The following CSMD1 variants were observed in gnomAD, a reference collection of about 807,000 sequenced individuals.
CSMD1 encodes CUB and Sushi multiple domains 1.
Under a neutral mutation model 417.5 loss-of-function variants are expected in CSMD1, and 213 were observed. That is an observed-to-expected ratio of 0.51 (90% confidence interval 0.46 to 0.57). The LOEUF (loss-of-function observed/expected upper bound fraction) is 0.57. Ranked by LOEUF, CSMD1 falls within the 20% of genes least tolerant of loss-of-function variation. CSMD1 has a pLI of 0.00. For synonymous variants in CSMD1, 2,862 were observed against 1,736.8 expected (o/e 1.65, Z -16.11); for missense variants, 6,923 against 4,529.7 (o/e 1.53, Z -15.17).
intron 2 of CSMD1, among the ~76,000 whole-genome samples, chr8:4,453,839 T>TG (rs1799300838): frequency 3.7e-5 from 5 of 133,858 alleles, no homozygotes; most frequent in African/African-American, 9.0e-5. Context: ...TTTTTTTTTT[T>TG]GAGACAGAGT....
chr8:3,753,165 G>C (rs143067142), intron 6 of CSMD1, among the ~76,000 whole-genome samples: 12 of 152,264 alleles, frequency 7.9e-5, no homozygotes, highest in African/African-American at 2.4e-4. Context: ...CGTTCTCATC[G>C]TCACAATGTG....
chr8:3,367,014 C>T lies in CSMD1; in HGVS notation c.3115+18G>A, dbSNP rs374228313. The T allele has an allele frequency of 1.3e-6, 2 of 1,594,072 alleles. No homozygotes were observed. The highest frequency in any genetic ancestry group is 1.1e-5 in the South Asian group (1 of 89,892). ...TATTGTTGCCAGAGGAGAGAAACAGCAAACAAGACCAACATACCTGAAAAT... is the reference window on the plus strand; with the variant it reads ...TATTGTTGCCAGAGGAGAGAAACAGTAAACAAGACCAACATACCTGAAAAT... On this transcript the variant is annotated intron_variant, in intron 20 of 69. Transcript: ENST00000635120.
At chr8:3,275,260 G>A (rs994955729) in intron 26 of CSMD1, among the ~76,000 whole-genome samples, 29 of 152,246 alleles carry the variant, frequency 1.9e-4, no homozygotes, top group South Asian at 4.1e-4. Flanking sequence ...ATTGGCCACC[G>A]CTCTCTTCTG....
intron 56 of CSMD1, among the ~76,000 whole-genome samples, chr8:2,973,881 A>AGAGGATGG (rs1804684240): frequency 1.9e-5 from 2 of 108,068 alleles, no homozygotes; most frequent in Admixed American, 8.0e-5. Flanking sequence ...GTAGAGGATG[A>AGAGGATGG]TGGTAGAGGA....
intron 4 of CSMD1, among the ~76,000 whole-genome samples, chr8:4,020,750 A>C (rs1388980001): frequency 6.6e-6 from 1 of 152,180 alleles, no homozygotes; most frequent in Non-Finnish European, 1.5e-5. Flanking sequence ...ATTAGACCCA[A>C]CGTCATTACT....
chr8:3,211,017 A>G (rs1386908679), intron 30 of CSMD1, among the ~76,000 whole-genome samples: 4 of 152,118 alleles, frequency 2.6e-5, no homozygotes, highest in Non-Finnish European at 5.9e-5. Flanking sequence ...GGGATACAAG[A>G]AAGAAAATTA....
At chr8:4,771,478 C>T (rs986582528) in intron 1 of CSMD1, among the ~76,000 whole-genome samples, 1 of 152,174 alleles carries the variant, frequency 6.6e-6, no homozygotes, top group Non-Finnish European at 1.5e-5. Flanking sequence ...GAAGCTCAGT[C>T]GTGAGAATGC....
At chr8:3,977,482 A>T (rs1290199472) in intron 5 of CSMD1, among the ~76,000 whole-genome samples, 1 of 152,198 alleles carries the variant, frequency 6.6e-6, no homozygotes, top group Non-Finnish European at 1.5e-5. Context: ...AAAGAAAAAA[A>T]AAATTAAGGA....
At chr8:4,490,778 G>C (rs531037743) in intron 2 of CSMD1, among the ~76,000 whole-genome samples, 3 of 152,116 alleles carry the variant, frequency 2.0e-5, no homozygotes, top group African/African-American at 4.8e-5. Flanking sequence ...CCACTAGGTC[G>C]GGCATATTAA....
chr8:4,093,790 A>C (rs150691953), intron 3 of CSMD1, among the ~76,000 whole-genome samples: 1 of 152,096 alleles, frequency 6.6e-6, no homozygotes, highest in Admixed American at 6.6e-5. Flanking sequence ...GTGAAATCCC[A>C]TATCTACTAA....
rs112315858 is a variant in CSMD1 at position 3,709,584 on chromosome 8, C to G, written c.932-1093G>C. ...TCTCCCCAGTGTGGGTGGGCCTGGT[C>G]CAGTCAGATGAAGGCCCAAATAGAA... On this transcript the variant is annotated intron_variant, in intron 6 of 69. Transcript: ENST00000635120. Among the ~76,000 whole-genome samples the G allele has an allele frequency of 3.7e-3, 566 of 151,030 alleles. 4 individuals carry two copies. The highest frequency in any genetic ancestry group is 0.013 in the African/African-American group (537 of 41,128).
At chr8:3,014,151 T>G (rs1226504909) in intron 52 of CSMD1, among the ~76,000 whole-genome samples, 2 of 152,156 alleles carry the variant, frequency 1.3e-5, no homozygotes, top group African/African-American at 4.8e-5. Context: ...AATATTATTT[T>G]CACTCTTTCA....
chr8:4,232,944 A>T (rs918103354), intron 3 of CSMD1, among the ~76,000 whole-genome samples: 5 of 152,234 alleles, frequency 3.3e-5, no homozygotes, highest in Non-Finnish European at 7.3e-5. Context: ...AGTTTTCTGC[A>T]GTCAAGCATA....
intron 10 of CSMD1, among the ~76,000 whole-genome samples, chr8:3,503,863 C>G (rs1211807110): frequency 1.3e-5 from 2 of 148,330 alleles, no homozygotes; most frequent in Non-Finnish European, 3.0e-5. Flanking sequence ...CTCTTCCTAG[C>G]CCCTGGTAGC....
At chr8:4,896,663 T>G (rs1804502195) in intron 1 of CSMD1, among the ~76,000 whole-genome samples, 2 of 152,096 alleles carry the variant, frequency 1.3e-5, no homozygotes, top group Non-Finnish European at 2.9e-5. Context: ...ATTGGAAATT[T>G]TTTCCGGGGG....
chr8:3,970,427 T>C (rs1813000930), intron 5 of CSMD1, among the ~76,000 whole-genome samples: 1 of 152,138 alleles, frequency 6.6e-6, no homozygotes, highest in Non-Finnish European at 1.5e-5. Context: ...TGGATTTTAT[T>C]ACCCCAGGAC....
intron 3 of CSMD1, among the ~76,000 whole-genome samples, chr8:4,234,728 C>A (rs1419043410): frequency 1.3e-5 from 2 of 152,094 alleles, no homozygotes. Flanking sequence ...GTCGCTGCTG[C>A]CGCTGAAAAC....
At chr8:3,603,311 G>A (rs1479255728) in intron 8 of CSMD1, among the ~76,000 whole-genome samples, 2 of 152,016 alleles carry the variant, frequency 1.3e-5, no homozygotes, top group African/African-American at 4.8e-5. Context: ...ATAGGAATAT[G>A]TTATGTTCCT....
chr8:4,282,105 G>A (rs552720667), intron 3 of CSMD1, among the ~76,000 whole-genome samples: 85 of 152,262 alleles, frequency 5.6e-4, no homozygotes, highest in African/African-American at 2.0e-3. Context: ...TAATCCAAGA[G>A]TATTTTTAAT....
Sources: gnomAD v4.1 joint callset for allele counts (sites outside exome capture counted in the v4.1 genomes callset) on GRCh38, gnomAD v4.1.1 for gene constraint, MANE v1.5 for transcripts, NCBI Gene and HGNC (gene_info 2026-07-23, HGNC 2026-07-21) for gene names.